PRELID2: variants seen among roughly 807,000 people sequenced by gnomAD.
The protein encoded by PRELID2 is PRELI domain containing 2.
In PRELID2, 25 loss-of-function variants were observed where a neutral mutation model predicts 28.4. The observed-to-expected ratio is 0.88, with a 90% CI of 0.64 to 1.23. PRELID2 has a LOEUF of 1.23. PRELID2 is among the 50% of genes most tolerant of loss of function. The pLI is 0.00. For missense variants in PRELID2, 201 were observed against 214.4 expected (o/e 0.94, Z 0.39); for synonymous variants, 76 against 71.6 (o/e 1.06, Z -0.31).
At chr5:145,593,803 CATTG>C (rs1367841891) in intron 1 of PRELID2, among the ~76,000 whole-genome samples, 1 of 152,110 alleles carries the variant, frequency 6.6e-6, no homozygotes, top group Non-Finnish European at 1.5e-5. Context: ...TAGATGAACT[CATTG>C]ATTAAGAGAG....
At chr5:145,527,942 C>T (rs539619037) in intron 1 of PRELID2, among the ~76,000 whole-genome samples, 1 of 152,202 alleles carries the variant, frequency 6.6e-6, no homozygotes, top group Admixed American at 6.5e-5. Flanking sequence ...CTTCTTCTTG[C>T]CCTGTTGTCC....
At chr5:145,523,769 A>T (rs960682723) in intron 1 of PRELID2, among the ~76,000 whole-genome samples, 1 of 152,296 alleles carries the variant, frequency 6.6e-6, no homozygotes, top group East Asian at 1.9e-4. Flanking sequence ...TTTTGGGAGA[A>T]CACAAATATT....
chr5:145,599,706 C>T (rs547831042), intron 1 of PRELID2, among the ~76,000 whole-genome samples: 2 of 152,098 alleles, frequency 1.3e-5, no homozygotes, highest in African/African-American at 4.8e-5. Context: ...GAAGAATGAG[C>T]AATGAATGAA....
the PRELID2 span, among the ~76,000 whole-genome samples, chr5:145,340,772 T>TATATATATAA: frequency 1.5e-5 from 1 of 67,908 alleles, no homozygotes; most frequent in African/African-American, 7.6e-5. Flanking sequence ...AAAATATACA[T>TATATATATAA]ATATATATAT....
the PRELID2 span, among the ~76,000 whole-genome samples, chr5:145,252,116 G>T: frequency 6.6e-6 from 1 of 152,008 alleles, no homozygotes; most frequent in South Asian, 2.1e-4. Context: ...AGAAACATTG[G>T]CATCACCTGG....
chr5:145,566,218 G>A (rs1752966310), intron 1 of PRELID2, among the ~76,000 whole-genome samples: 1 of 152,218 alleles, frequency 6.6e-6, no homozygotes, highest in African/African-American at 2.4e-5. Flanking sequence ...ATAGGGGCAA[G>A]AGACAATGGG....
At chr5:145,503,652 G>A (rs1417241808) in intron 1 of PRELID2, among the ~76,000 whole-genome samples, 1 of 152,130 alleles carries the variant, frequency 6.6e-6, no homozygotes, top group Non-Finnish European at 1.5e-5. Flanking sequence ...GAGTTTGCTG[G>A]TCCTGTGCAT....
At chr5:145,684,140 T>C (rs558014432) in intron 1 of PRELID2, among the ~76,000 whole-genome samples, 203 of 152,232 alleles carry the variant, frequency 1.3e-3, no homozygotes, top group African/African-American at 4.5e-3. Flanking sequence ...AGAGAGTTAA[T>C]GGTGACTGAG....
At chr5:145,457,479 A>T in the PRELID2 span, among the ~76,000 whole-genome samples, 1 of 152,138 alleles carries the variant, frequency 6.6e-6, no homozygotes, top group Non-Finnish European at 1.5e-5. Context: ...TTTCAAAGAC[A>T]TGATTATGTA....
chr5:145,447,741 A>C, the PRELID2 span, among the ~76,000 whole-genome samples: 1 of 103,580 alleles, frequency 9.7e-6, no homozygotes, highest in East Asian at 2.4e-4. Flanking sequence ...TTGTTCTTGC[A>C]ATAGTTTACT....
chr5:145,784,233 T>TAA (rs11299722), intron 5 of PRELID2, among the ~76,000 whole-genome samples: 3 of 136,268 alleles, frequency 2.2e-5, no homozygotes, highest in African/African-American at 8.2e-5. Flanking sequence ...GTGGTGAGCT[T>TAA]AAAAAAAAAA....
chr5:145,351,262 T>C, the PRELID2 span, among the ~76,000 whole-genome samples: 1 of 152,098 alleles, frequency 6.6e-6, no homozygotes, highest in South Asian at 2.1e-4. Flanking sequence ...AACTGGGTAA[T>C]TTATAGAGGA....
the PRELID2 span, among the ~76,000 whole-genome samples, chr5:145,421,286 T>C: frequency 6.7e-6 from 1 of 148,266 alleles, no homozygotes; most frequent in African/African-American, 2.5e-5. Context: ...TTCTATTGAT[T>C]GGAATAGTTT....
the PRELID2 span, among the ~76,000 whole-genome samples, chr5:145,335,556 T>A: frequency 6.6e-6 from 1 of 152,112 alleles, no homozygotes; most frequent in Non-Finnish European, 1.5e-5. Flanking sequence ...AGCAAAAAAA[T>A]TCAAAAATGT....
intron 1 of PRELID2, among the ~76,000 whole-genome samples, chr5:145,643,989 C>T (rs1019428368): frequency 6.6e-6 from 1 of 152,100 alleles, no homozygotes; most frequent in African/African-American, 2.4e-5. Context: ...TTTGTTGTGT[C>T]TCTGCCAGGT....
At chr5:145,706,930 C>T (rs565126877) in intron 1 of PRELID2, among the ~76,000 whole-genome samples, 2 of 152,282 alleles carry the variant, frequency 1.3e-5, no homozygotes, top group African/African-American at 4.8e-5. Context: ...TAGGACCTTG[C>T]ATGCAAGTTA....
In PRELID2 at chr5:145,493,240, G is replaced by T. The variant is rs1752282672; in HGVS notation, n.71-19925C>A. Among the ~76,000 whole-genome samples the T allele has an allele frequency of 3.1e-5, 3 of 95,626 alleles. 1 individual carries two copies. In the South Asian group the frequency reaches 1.6e-3, roughly 50 times the overall value. 62.7% of individuals were successfully genotyped at this position (95,626 alleles called of 152,430 possible). On this transcript the variant is annotated intron_variant and non_coding_transcript_variant, in intron 1 of 2. Transcript: ENST00000510259. ...TGCTCCCAGATTGTCCCTGAAGTCA[G>T]CTTTAATACTCCCTTCTCCCTCGCT...
chr5:145,776,812 G>C (rs1274261828), intron 5 of PRELID2, among the ~76,000 whole-genome samples: 2 of 152,146 alleles, frequency 1.3e-5, no homozygotes, highest in Admixed American at 6.5e-5. Flanking sequence ...TTAATCCCTA[G>C]GATATTCGTT....
chr5:145,652,098 A>T (rs1230920316), intron 1 of PRELID2, among the ~76,000 whole-genome samples: 2 of 152,248 alleles, frequency 1.3e-5, no homozygotes, highest in African/African-American at 4.8e-5. Context: ...CGAGAACTAC[A>T]TGATGAATGC....
Sources: gnomAD v4.1 joint callset for allele counts (sites outside exome capture counted in the v4.1 genomes callset) on GRCh38, gnomAD v4.1.1 for gene constraint, MANE v1.5 for transcripts, NCBI Gene and HGNC (gene_info 2026-07-23, HGNC 2026-07-21) for gene names.